NMBR: variants seen among roughly 807,000 people sequenced by gnomAD.
The protein encoded by NMBR is neuromedin B receptor, also known as neuromedin-B receptor.
In NMBR, 16 loss-of-function variants were observed where a neutral mutation model predicts 20.5. That is an observed-to-expected ratio of 0.78 (90% confidence interval 0.53 to 1.19). NMBR has a LOEUF of 1.19. Ranked by LOEUF, NMBR falls within the 50% of genes most tolerant of loss-of-function variation. NMBR has a pLI of 0.00. For missense variants in NMBR, 582 were observed against 499.1 expected, an observed-to-expected ratio of 1.17 and a Z score of -1.58; for synonymous variants, 212 against 196.6, an observed-to-expected ratio of 1.08 and a Z score of -0.65.
intron 1 of NMBR, among the ~76,000 whole-genome samples, chr6:142,116,367 G>A (rs1024739879): frequency 2.0e-5 from 3 of 151,718 alleles, no homozygotes; most frequent in Non-Finnish European, 2.9e-5. Context: ...TTGGCTCTAA[G>A]AGGGTATGTA....
chr6:142,132,359 C>T (rs1244556545), intron 1 of NMBR, among the ~76,000 whole-genome samples: 2 of 152,052 alleles, frequency 1.3e-5, no homozygotes, highest in African/African-American at 4.8e-5. Context: ...CCTCAACACC[C>T]ATAACAATGT....
chr6:142,117,752 G>A (rs1046317998), intron 1 of NMBR, among the ~76,000 whole-genome samples: 6 of 151,908 alleles, frequency 3.9e-5, no homozygotes, highest in African/African-American at 9.6e-5. Flanking sequence ...TGAAAAAATC[G>A]TACAAAATAT....
rs748328100 is a variant in NMBR, at chr6:142,088,317, C to A, written c.342G>T (p.Val114=). 2 of 1,614,134 alleles carry A rather than the reference C, an allele frequency of 1.2e-6. No homozygotes were observed. The highest frequency in any genetic ancestry group is 1.7e-6 in the Non-Finnish European group (2 of 1,180,038). The change falls in exon 2 of 4, where the codon GTG becomes GTT. Residue 114 remains valine (V), a synonymous_variant. Transcript: ENST00000258042. The stretch of plus-strand genomic sequence containing the variant: ...GGATGACAGGGATCAGTTTGCAGCC[C>A]ACCTTGCCAAACATCCACTCGTCGA... ...YFFDEWMFGK[V]GCKLIPVIQL...
intron 1 of NMBR, chr6:142,134,525 T>C (rs1030240429): frequency 4.2e-5 from 21 of 501,046 alleles, no homozygotes; most frequent in East Asian, 2.2e-4. Context: ...TCTGACATAC[T>C]TTAGGTGTTC....
intron 1 of NMBR, among the ~76,000 whole-genome samples, chr6:142,130,629 C>A (rs1778122504): frequency 6.6e-6 from 1 of 152,042 alleles, no homozygotes; most frequent in African/African-American, 2.4e-5. Flanking sequence ...AGGGTTGTAC[C>A]AGCAAAACAA....
At chr6:142,081,125 A>T (rs1777085558) in intron 2 of NMBR, among the ~76,000 whole-genome samples, 1 of 152,138 alleles carries the variant, frequency 6.6e-6, no homozygotes, top group South Asian at 2.1e-4. Context: ...CTTGCTGTTT[A>T]TTCAAATGGT....
intron 1 of NMBR, chr6:142,134,191 T>C (rs1778204065): frequency 4.1e-6 from 2 of 483,746 alleles, no homozygotes; most frequent in African/African-American, 2.0e-5. Flanking sequence ...TTCAGATAAA[T>C]TGAGTTTTGG....
At chr6:142,101,979 G>A (rs1020450839) in intron 1 of NMBR, among the ~76,000 whole-genome samples, 15 of 152,138 alleles carry the variant, frequency 9.9e-5, no homozygotes, top group African/African-American at 3.4e-4. Flanking sequence ...GCACACCAGG[G>A]AGACTACTAT....
chr6:142,116,300 C>T (rs758529896), intron 1 of NMBR, among the ~76,000 whole-genome samples: 14 of 151,832 alleles, frequency 9.2e-5, no homozygotes, highest in African/African-American at 1.5e-4. Context: ...ATACCCACAT[C>T]GACACAAAAA....
chr6:142,139,083 G>C (rs1173499190), intron 1 of NMBR, among the ~76,000 whole-genome samples: 1 of 152,078 alleles, frequency 6.6e-6, no homozygotes, highest in Non-Finnish European at 1.5e-5. Flanking sequence ...GTTGACTGTG[G>C]TGGTGACACA....
chr6:142,093,064 C>A (rs1777360865), intron 1 of NMBR, among the ~76,000 whole-genome samples: 1 of 151,946 alleles, frequency 6.6e-6, no homozygotes, highest in African/African-American at 2.4e-5. Flanking sequence ...TCTGGTCTTG[C>A]CCTCAAAGCT....
intron 1 of NMBR, among the ~76,000 whole-genome samples, chr6:142,094,811 A>G (rs1195264735): frequency 6.6e-6 from 1 of 151,972 alleles, no homozygotes; most frequent in South Asian, 2.1e-4. Context: ...ATTTCTTTGT[A>G]TCCTCTTTTA....
chr6:142,076,842 A>G (rs1776959741), intron 3 of NMBR, among the ~76,000 whole-genome samples: 1 of 152,206 alleles, frequency 6.6e-6, no homozygotes, highest in Non-Finnish European at 1.5e-5. Flanking sequence ...CAATTTATTG[A>G]AAGACATTGG....
intron 1 of NMBR, among the ~76,000 whole-genome samples, chr6:142,141,830 C>T (rs1415025090): frequency 6.6e-6 from 1 of 151,972 alleles, no homozygotes; most frequent in Non-Finnish European, 1.5e-5. Context: ...AATTTAAATA[C>T]AAATTAAATA....
At chr6:142,119,313 G>T (rs903543003) in intron 1 of NMBR, among the ~76,000 whole-genome samples, 28 of 151,960 alleles carry the variant, frequency 1.8e-4, no homozygotes, top group African/African-American at 6.8e-4. Context: ...ACATATGACT[G>T]GGTCAGGATA....
chr6:142,080,311 C>CTTTTT (rs767477652), intron 2 of NMBR, among the ~76,000 whole-genome samples: 1 of 116,178 alleles, frequency 8.6e-6, no homozygotes, highest in African/African-American at 3.4e-5. Context: ...TGCCCTATAT[C>CTTTTT]TTTTTTTTTT....
rs556854813 is a variant in NMBR at position 142,075,961 on chromosome 6, A to C, written c.860T>G (p.Met287Arg). 6.2e-7 allele frequency: 1 copy of C among 1,613,854 alleles called. No individual in the cohort carries two copies. The highest frequency in any genetic ancestry group is 1.3e-5 in the African/African-American group (1 of 75,046). ...FCWFPNHILYMYRSFNYNEID... is the reference protein window; with the variant it reads ...FCWFPNHILYRYRSFNYNEID... ...CTCATTATAGTTGAAAGACCGATAC[A>C]TGTAAAGGATGTGGTTTGGAAACCA... is the stretch of plus-strand genomic sequence containing the variant. The change falls in exon 4 of 4, where the codon ATG (methionine) becomes AGG (arginine). Residue 287 changes from methionine (M) to arginine (R), a missense_variant. Physicochemically the swap from Met to Arg is moderately conservative, Grantham distance 91. Transcript: ENST00000258042.
chr6:142,086,291 T>C (rs1777197917), intron 2 of NMBR, among the ~76,000 whole-genome samples: 1 of 152,198 alleles, frequency 6.6e-6, no homozygotes, highest in African/African-American at 2.4e-5. Flanking sequence ...CTAACAGCAT[T>C]GTGAGGGTTG....
intron 2 of NMBR, among the ~76,000 whole-genome samples, chr6:142,082,746 A>T (rs899847430): frequency 2.0e-5 from 3 of 152,204 alleles, no homozygotes; most frequent in African/African-American, 7.2e-5. Context: ...TCCAGCAGAA[A>T]TTCAGCATTT....
Sources: gnomAD v4.1 joint callset for allele counts (sites outside exome capture counted in the v4.1 genomes callset) on GRCh38, gnomAD v4.1.1 for gene constraint, MANE v1.5 for transcripts, NCBI Gene and HGNC (gene_info 2026-07-23, HGNC 2026-07-21) for gene names.